Variants in NDUFV3 observed in about 807,000 individuals in gnomAD.
NDUFV3 encodes the protein NADH:ubiquinone oxidoreductase subunit V3.
A neutral mutation model predicts 37.5 loss-of-function variants in NDUFV3; 44 were observed. The ratio of observed to expected loss-of-function variants is 1.17; its 90% CI spans 0.92 to 1.51. NDUFV3 has a LOEUF of 1.51. Among genes scored for constraint, NDUFV3 ranks in the 40% most tolerant of loss-of-function variants. The probability of loss-of-function intolerance (pLI) is 0.00; values close to 1 mark genes in which losing one functional copy is unlikely to be tolerated. For missense variants in NDUFV3, 580 were observed against 580.4 expected (o/e 1.00, Z 0.01); for synonymous variants, 235 against 239.3 (o/e 0.98, Z 0.17).
rs1378307918 is a variant in NDUFV3 at position 42,903,756 on chromosome 21, A to G, written c.744A>G (p.Thr248=). The G allele has an allele frequency of 6.2e-7, 1 of 1,614,192 alleles. No homozygotes were observed. The highest frequency in any genetic ancestry group is 8.5e-7 in the Non-Finnish European group (1 of 1,180,032). ...EGRENARPKT[T]MPRSQVDEEF... is the part of the protein sequence containing the mutation. ...GGGAAAATGCGAGACCAAAAACCAC[A>G]ATGCCCAGATCTCAAGTAGATGAAG... The change falls in exon 3 of 4, where the codon ACA becomes ACG. Residue 248 remains threonine (T), a synonymous_variant. Coordinates refer to ENST00000354250, the MANE Select transcript of NDUFV3 (RefSeq NM_021075.4).
At chr21:42,902,407 C>T (rs2058721238) in intron 2 of NDUFV3, among the ~76,000 whole-genome samples, 1 of 152,194 alleles carries the variant, frequency 6.6e-6, no homozygotes, top group South Asian at 2.1e-4. Flanking sequence ...ACAAGATGTG[C>T]AAGTATTTTA....
In NDUFV3 at chr21:42,903,726, A is replaced by G. The variant is rs2058728757; in HGVS notation, c.714A>G (p.Glu238=). The G allele has an allele frequency of 6.2e-7, 1 of 1,614,110 alleles. No individual in the cohort carries two copies. The highest frequency in any genetic ancestry group is 8.5e-7 in the Non-Finnish European group (1 of 1,180,050). Residue 238 remains glutamate, a synonymous_variant, in exon 3 of 4, where the codon GAA becomes GAG. Transcript: ENST00000354250. ...AAGGGTCCCCTGCTAAGCCATCAGAAGGCAGGGAAAATGCGAGACCAAAAA... is the reference window on the plus strand; with the variant it reads ...AAGGGTCCCCTGCTAAGCCATCAGAGGGCAGGGAAAATGCGAGACCAAAAA... ...KKKGSPAKPS[E]GRENARPKTT...
Position 42,904,262 on chromosome 21 carries a change from G to T in NDUFV3, c.1250G>T (p.Arg417Leu). The change falls in exon 3 of 4, where the codon CGA becomes CTA. Residue 417 changes from arginine (R) to leucine (L), a missense_variant. Arg to Leu is a moderately radical substitution (Grantham distance 102, BLOSUM62 -2). Transcript: ENST00000354250. ...MEDAAAPGDDRGGTQEPAPVP... is the reference protein window; with the variant it reads ...MEDAAAPGDDLGGTQEPAPVP... ...GATGCAGCCGCGCCAGGGGACGACC[G>T]AGGCGGCACACAGGGTATACCTTGA... 2.5e-6 allele frequency: 4 copies of T among 1,599,226 alleles called. No homozygotes were observed. The highest frequency in any genetic ancestry group is 2.6e-6 in the Non-Finnish European group (3 of 1,172,650).
In NDUFV3 at chr21:42,909,605, C is replaced by T. The variant is rs532180551; in HGVS notation, c.*584C>T. ...TTAGAGAATTTTAAGTGCTTTAGAGCGGTGTGATTCTACTGTGCTCAGCCT... is the reference window on the plus strand; with the variant it reads ...TTAGAGAATTTTAAGTGCTTTAGAGTGGTGTGATTCTACTGTGCTCAGCCT... On this transcript the variant is annotated 3_prime_UTR_variant, in exon 4 of 4. Coordinates refer to ENST00000354250, the MANE Select transcript of NDUFV3 (RefSeq NM_021075.4). The T allele has an allele frequency of 4.6e-4, 77 of 166,876 alleles. No individual in the cohort carries two copies. The highest frequency in any genetic ancestry group is 9.4e-4 in the Admixed American group (17 of 18,082). The allele number at this position is 166,876 out of a possible 1,614,324, so 10.3% of individuals were successfully genotyped here.
chr21:42,908,991 C>T lies in NDUFV3; in HGVS notation c.1392C>T (p.Pro464=). The part of the protein sequence containing the change: ...LELSKFRMPQ[P]SSGRESPRH ...TCTCAAAATTCAGGATGCCTCAGCC[C>T]TCCTCAGGCCGGGAGTCACCTCGAC... is the stretch of plus-strand genomic sequence containing the variant. The change falls in exon 4 of 4, where the codon CCC becomes CCT. Residue 464 remains proline (P), a synonymous_variant. Transcript: ENST00000354250. 2 of 1,614,014 alleles carry T rather than the reference C, an allele frequency of 1.2e-6. No homozygotes were observed. The highest frequency in any genetic ancestry group is 1.7e-6 in the Non-Finnish European group (2 of 1,180,006).
intron 3 of NDUFV3, among the ~76,000 whole-genome samples, chr21:42,905,714 C>T (rs915329833): frequency 1.3e-5 from 2 of 152,076 alleles, no homozygotes; most frequent in Non-Finnish European, 2.9e-5. Flanking sequence ...CAGGGTTTTA[C>T]CATGTAGGCC....
intron 2 of NDUFV3, among the ~76,000 whole-genome samples, chr21:42,899,010 G>A (rs548325027): frequency 6.6e-6 from 1 of 152,308 alleles, no homozygotes; most frequent in Admixed American, 6.5e-5. Context: ...GTGGCCATCT[G>A]GGTTGTGGTT....
intron 3 of NDUFV3, among the ~76,000 whole-genome samples, chr21:42,904,685 C>T (rs185772217): frequency 5.9e-4 from 89 of 151,896 alleles, no homozygotes; most frequent in East Asian, 1.9e-3. Flanking sequence ...GGGGTTTCAC[C>T]GTGTTGGCCA....
intron 2 of NDUFV3, among the ~76,000 whole-genome samples, chr21:42,900,451 T>C (rs1012256570): frequency 1.1e-4 from 16 of 152,212 alleles, no homozygotes; most frequent in Admixed American, 6.5e-5. Flanking sequence ...TGCAATGAGC[T>C]GAGATTGTGC....
At chr21:42,897,089 A>C (rs773983800) in intron 2 of NDUFV3, 42 bp downstream of exon 2, 1 of 1,609,254 alleles carries the variant, frequency 6.2e-7, no homozygotes, top group Non-Finnish European at 8.5e-7. Context: ...AGAATGCAAA[A>C]AGAAAATAGA....
At chr21:42,893,491 G>C (rs1242115713) in intron 1 of NDUFV3, 110 bp downstream of exon 1, 1 of 1,278,454 alleles carries the variant, frequency 7.8e-7, no homozygotes, top group Non-Finnish European at 1.1e-6. Flanking sequence ...ACCTCTAGCC[G>C]TCCTAGTTGG....
At chr21:42,896,782 T>G in intron 1 of NDUFV3, 145 bp from the exon 2 acceptor site, 1 of 717,336 alleles carries the variant, frequency 1.4e-6, no homozygotes, top group Non-Finnish European at 2.2e-6. Context: ...AAGGCTGCAG[T>G]GAGCCATGAT....
intron 1 of NDUFV3, among the ~76,000 whole-genome samples, chr21:42,893,786 A>C (rs2058669154): frequency 6.6e-6 from 1 of 152,244 alleles, no homozygotes; most frequent in African/African-American, 2.4e-5. Flanking sequence ...CCATTTAGCC[A>C]AGAGAGGAAA....
intron 2 of NDUFV3, among the ~76,000 whole-genome samples, chr21:42,899,040 C>T (rs943385540): frequency 4.1e-4 from 62 of 152,166 alleles, no homozygotes; most frequent in Non-Finnish European, 7.6e-4. Context: ...GAACACTGAC[C>T]TGGGAGCGAG....
intron 2 of NDUFV3, among the ~76,000 whole-genome samples, chr21:42,899,274 C>CTTTTTTTTTTTTTTTT (rs1174011282): frequency 1.3e-4 from 7 of 54,836 alleles, no homozygotes; most frequent in South Asian, 4.7e-4. Context: ...ACAGTTGTAT[C>CTTTTTTTTTTTTTTTT]TTGTTTTTTT....
At chr21:42,898,446 C>T (rs2058704142) in intron 2 of NDUFV3, among the ~76,000 whole-genome samples, 1 of 152,012 alleles carries the variant, frequency 6.6e-6, no homozygotes, top group African/African-American at 2.4e-5. Flanking sequence ...CCACTCCTGG[C>T]ATATCCCTGG....
intron 1 of NDUFV3, among the ~76,000 whole-genome samples, chr21:42,894,581 C>T: frequency 8.1e-6 from 1 of 123,584 alleles, no homozygotes; most frequent in Non-Finnish European, 1.6e-5. Context: ...GAGACAGAGC[C>T]TCACTCTGTT....
At chr21:42,907,354 C>T (rs1050349410) in intron 3 of NDUFV3, among the ~76,000 whole-genome samples, 29 of 151,866 alleles carry the variant, frequency 1.9e-4, no homozygotes, top group Admixed American at 8.5e-4. Context: ...GTGATCTCAG[C>T]TCACTGCAAC....
chr21:42,893,752 C>A (rs1036095097), intron 1 of NDUFV3, among the ~76,000 whole-genome samples: 1 of 152,232 alleles, frequency 6.6e-6, no homozygotes, highest in Non-Finnish European at 1.5e-5. Context: ...TCCCGCACGG[C>A]TTCTCTGAAG....
Sources: allele counts gnomAD v4.1 joint callset (sites outside exome capture counted in the v4.1 genomes callset), GRCh38; gene constraint gnomAD v4.1.1; transcripts MANE v1.5; gene names NCBI Gene and HGNC (gene_info 2026-07-23, HGNC 2026-07-21).